CNTN5: variants seen among roughly 807,000 people sequenced by gnomAD.
CNTN5 encodes contactin 5.
CNTN5 carries 77 observed loss-of-function variants against 129.1 expected under a neutral mutation model. The observed-to-expected ratio is 0.60, with a 90% CI of 0.50 to 0.72. The LOEUF (loss-of-function observed/expected upper bound fraction) is 0.72, where lower values mean the gene tolerates loss of function less well. Among genes scored for constraint, CNTN5 ranks in the 30% least tolerant of loss-of-function variants. CNTN5 has a pLI of 0.00. For synonymous variants in CNTN5, 509 were observed against 465.6 expected, an observed-to-expected ratio of 1.09 and a Z score of -1.20; for missense variants, 1,478 against 1,328.8, an observed-to-expected ratio of 1.11 and a Z score of -1.75.
intron 2 of CNTN5, among the ~76,000 whole-genome samples, chr11:99,549,249 G>A (rs1948402604): frequency 6.6e-6 from 1 of 151,840 alleles, no homozygotes; most frequent in Non-Finnish European, 1.5e-5. Context: ...TTTGACTATT[G>A]AGATTTTCTT....
At chr11:99,841,961 G>A (rs1156452220) in intron 4 of CNTN5, among the ~76,000 whole-genome samples, 3 of 150,794 alleles carry the variant, frequency 2.0e-5, no homozygotes, top group Admixed American at 6.6e-5. Flanking sequence ...ATCTCAGCTC[G>A]CTGCAACTTC....
intron 9 of CNTN5, among the ~76,000 whole-genome samples, chr11:100,002,802 A>G (rs2137479412): frequency 6.6e-6 from 1 of 152,098 alleles, no homozygotes; most frequent in South Asian, 2.1e-4. Context: ...AATTTTGATT[A>G]TATTTGATTA....
At chr11:99,623,009 C>T (rs1264799132) in intron 3 of CNTN5, among the ~76,000 whole-genome samples, 1 of 152,156 alleles carries the variant, frequency 6.6e-6, no homozygotes, top group East Asian at 1.9e-4. Context: ...CCTCGGGCTT[C>T]TCTTACTCTT....
chr11:100,341,873 A>G (rs2139016485), intron 23 of CNTN5, among the ~76,000 whole-genome samples: 1 of 151,898 alleles, frequency 6.6e-6, no homozygotes, highest in East Asian at 1.9e-4. Context: ...ATTAAACTTC[A>G]CACAGAATCA....
chr11:99,394,086 C>T (rs993006277), intron 2 of CNTN5, among the ~76,000 whole-genome samples: 2 of 151,596 alleles, frequency 1.3e-5, no homozygotes, highest in Non-Finnish European at 3.0e-5. Context: ...ATGTGAAGTA[C>T]CCTCTTTATT....
intron 13 of CNTN5, among the ~76,000 whole-genome samples, chr11:100,177,407 G>A (rs188150009): frequency 2.0e-5 from 3 of 152,160 alleles, no homozygotes. Context: ...TCACACTGTG[G>A]TACCTGAGGG....
At chr11:99,075,576 G>A (rs1940515) in intron 1 of CNTN5, among the ~76,000 whole-genome samples, 27,875 of 152,048 alleles carry the variant, frequency 0.18, 3,784 homozygotes, top group East Asian at 0.47. Context: ...AGAAATTGTA[G>A]TAATATTCTT....
intron 21 of CNTN5, among the ~76,000 whole-genome samples, chr11:100,312,093 C>T (rs1397736986): frequency 6.6e-6 from 1 of 152,050 alleles, no homozygotes; most frequent in Non-Finnish European, 1.5e-5. Context: ...TATTCTATTT[C>T]ATAGCGCATT....
At chr11:99,231,599 T>C (rs1861002305) in intron 1 of CNTN5, among the ~76,000 whole-genome samples, 1 of 152,234 alleles carries the variant, frequency 6.6e-6, no homozygotes, top group Non-Finnish European at 1.5e-5. Flanking sequence ...TTCTGTAGGT[T>C]GTCTGTTCAC....
intron 1 of CNTN5, among the ~76,000 whole-genome samples, chr11:99,203,877 C>G (rs896844516): frequency 6.6e-6 from 1 of 152,222 alleles, no homozygotes; most frequent in Non-Finnish European, 1.5e-5. Context: ...GGATTACAGG[C>G]GTGAGCCACC....
rs1468956675 is a variant in CNTN5 at position 100,286,722 on chromosome 11, G to A, written c.2315-10903G>A. 5.3e-5 allele frequency among the ~76,000 whole-genome samples: 8 copies of A among 149,860 alleles called. No homozygotes were observed. In the East Asian group the frequency reaches 1.6e-3, roughly 29 times the overall value. On this transcript the variant is annotated intron_variant, in intron 18 of 24. Transcript: ENST00000524871. ...GCCTCTCCTCCTCCAAAGGAACGCAGTTCCTCACCAGCAACGGAACAAAGC... is the reference window on the plus strand; with the variant it reads ...GCCTCTCCTCCTCCAAAGGAACGCAATTCCTCACCAGCAACGGAACAAAGC...
At chr11:99,842,955 T>A (rs1297582831) in intron 4 of CNTN5, among the ~76,000 whole-genome samples, 1 of 152,156 alleles carries the variant, frequency 6.6e-6, no homozygotes, top group African/African-American at 2.4e-5. Context: ...GCTAGGCCAG[T>A]CGAGGTGGTT....
At chr11:99,693,275 T>C (rs761145258) in intron 3 of CNTN5, among the ~76,000 whole-genome samples, 6 of 152,148 alleles carry the variant, frequency 3.9e-5, no homozygotes, top group Non-Finnish European at 7.4e-5. Context: ...AATAATAGTC[T>C]TTAAATAATA....
intron 4 of CNTN5, among the ~76,000 whole-genome samples, chr11:99,821,447 T>A (rs1946798547): frequency 6.6e-6 from 1 of 152,162 alleles, no homozygotes; most frequent in South Asian, 2.1e-4. Context: ...CAGTTACATA[T>A]TTCACAGTAT....
At chr11:99,310,248 T>C (rs1865052131) in intron 1 of CNTN5, among the ~76,000 whole-genome samples, 1 of 152,138 alleles carries the variant, frequency 6.6e-6, no homozygotes, top group Admixed American at 6.6e-5. Flanking sequence ...AATAATATAG[T>C]AATTTTAAAG....
intron 19 of CNTN5, 25 bp from the exon 20 acceptor site, chr11:100,299,137 A>G (rs1482955305): frequency 3.6e-6 from 5 of 1,390,714 alleles, no homozygotes; most frequent in Non-Finnish European, 4.9e-6. Context: ...TTTTGCTGAT[A>G]ATTAATTATA....
At chr11:99,241,757 A>G (rs1249689806) in intron 1 of CNTN5, among the ~76,000 whole-genome samples, 2 of 152,176 alleles carry the variant, frequency 1.3e-5, no homozygotes, top group Non-Finnish European at 2.9e-5. Flanking sequence ...GAAGATCACA[A>G]TTCACAGTTA....
chr11:100,200,631 C>G (rs539990723), intron 15 of CNTN5, among the ~76,000 whole-genome samples: 1 of 151,612 alleles, frequency 6.6e-6, no homozygotes, highest in East Asian at 1.9e-4. Flanking sequence ...CAATTTTTGT[C>G]GGGGGCATGC....
intron 1 of CNTN5, among the ~76,000 whole-genome samples, chr11:99,069,691 G>A (rs1264170861): frequency 1.3e-5 from 2 of 152,178 alleles, no homozygotes; most frequent in Non-Finnish European, 2.9e-5. Context: ...TACAAAACTT[G>A]ATTAGTACTA....
Sources: gnomAD v4.1 joint callset for allele counts (sites outside exome capture counted in the v4.1 genomes callset) on GRCh38, gnomAD v4.1.1 for gene constraint, MANE v1.5 for transcripts, NCBI Gene and HGNC (gene_info 2026-07-23, HGNC 2026-07-21) for gene names.